Variants in GRIP1 observed in about 807,000 individuals in gnomAD.
GRIP1 encodes glutamate receptor-interacting protein 1.
GRIP1 carries 45 observed loss-of-function variants against 129.9 expected under a neutral mutation model. That is an observed-to-expected ratio of 0.35 (90% confidence interval 0.27 to 0.44). GRIP1 has a LOEUF of 0.44. GRIP1 is among the 20% of genes least tolerant of loss of function. The pLI, the probability that GRIP1 is intolerant of heterozygous loss-of-function variation, is 1.00. For missense variants in GRIP1, 1,196 were observed against 1,396.8 expected (o/e 0.86, Z 2.29); for synonymous variants, 530 against 520.8 (o/e 1.02, Z -0.24).
At position 66,415,597 on chromosome 12, in the gene GRIP1, T is replaced by C. The variant is rs146066259; in HGVS notation, c.1838+5123A>G. Reference sequence around the variant, plus strand: ...ATATACCCAAAGGAATGTAAATTATTCTATTATAAAGATATATGCACGCTT... The same window carrying C: ...ATATACCCAAAGGAATGTAAATTATCCTATTATAAAGATATATGCACGCTT... On this transcript the variant is annotated intron_variant, in intron 15 of 24. Coordinates refer to ENST00000359742, the MANE Select transcript of GRIP1 (RefSeq NM_001366722.1). Among the ~76,000 whole-genome samples, 1,084 of 152,246 alleles carry C rather than the reference T, an allele frequency of 7.1e-3. 13 individuals are homozygous for C. Among genetic ancestry groups the C allele is most frequent in the African/African-American group, 0.024 (1,005 of 41,558 alleles).
upstream of GRIP1, among the ~76,000 whole-genome samples, chr12:66,680,116 A>G (rs918631720): frequency 1.3e-5 from 2 of 152,186 alleles, no homozygotes; most frequent in Non-Finnish European, 2.9e-5. Context: ...AAAAAAATCA[A>G]TTAGTCAAAA....
intron 1 of GRIP1, among the ~76,000 whole-genome samples, chr12:66,844,642 G>C (rs760971450): frequency 3.3e-5 from 5 of 152,184 alleles, no homozygotes; most frequent in African/African-American, 4.8e-5. Context: ...GTCTTAAAGA[G>C]ATATTTGTTC....
chr12:66,353,304 G>A lies in GRIP1; in HGVS notation c.3159+113C>T, dbSNP rs932743323. On this transcript the variant is annotated intron_variant, in intron 24 of 24. Transcript: ENST00000359742. ...CTTCTACTGATTCCATAATCTTGAT[G>A]ACAAAGGCTGAAAGGGAAAAGAGCA... is the stretch of plus-strand genomic sequence containing the variant. 5.1e-5 allele frequency: 41 copies of A among 807,180 alleles called. No homozygotes were observed. The Admixed American group carries it at 6.9e-4, about 14-fold the overall frequency. 50.0% of individuals were successfully genotyped at this position (807,180 alleles called of 1,614,324 possible). A position where few individuals can be genotyped will look rare whatever the true frequency, so the allele number is the denominator to read the frequency against.
At chr12:66,898,551 C>T (rs1410107958) in intron 1 of GRIP1, among the ~76,000 whole-genome samples, 1 of 152,134 alleles carries the variant, frequency 6.6e-6, no homozygotes, top group Non-Finnish European at 1.5e-5. Flanking sequence ...TTTCCAAGCT[C>T]TGGATGCTGC....
intron 1 of GRIP1, among the ~76,000 whole-genome samples, chr12:67,036,779 G>A (rs1303370258): frequency 6.6e-6 from 1 of 151,822 alleles, no homozygotes; most frequent in African/African-American, 2.4e-5. Context: ...TGGCTTCTAC[G>A]ACTCCTTCTA....
chr12:66,759,054 C>T (rs2037389444), intron 1 of GRIP1, among the ~76,000 whole-genome samples: 2 of 152,212 alleles, frequency 1.3e-5, no homozygotes, highest in African/African-American at 4.8e-5. Flanking sequence ...ATGGGTGCTC[C>T]CACCCCAGAT....
At chr12:66,429,330 C>T (rs1475744709) in intron 14 of GRIP1, among the ~76,000 whole-genome samples, 4 of 152,058 alleles carry the variant, frequency 2.6e-5, no homozygotes, top group Non-Finnish European at 5.9e-5. Flanking sequence ...TAACAGTATC[C>T]GTGTGTGTCT....
At chr12:66,965,320 T>C (rs1281424488) in intron 1 of GRIP1, among the ~76,000 whole-genome samples, 1 of 152,176 alleles carries the variant, frequency 6.6e-6, no homozygotes, top group African/African-American at 2.4e-5. Flanking sequence ...TTAAGCTCTC[T>C]GATTACTCTC....
chr12:66,812,915 T>C (rs1208371017), intron 1 of GRIP1, among the ~76,000 whole-genome samples: 2 of 152,102 alleles, frequency 1.3e-5, no homozygotes, highest in Admixed American at 1.3e-4. Flanking sequence ...ATCTGATTCA[T>C]TTATTCGACA....
chr12:66,539,545 C>CTTTTTTTTTTTT lies in GRIP1; in HGVS notation c.273-334_273-323dup, dbSNP rs35373698. ...CACCATAAAACAAAATCAAGAGAAG[C>CTTTTTTTTTTTT]TTTTTTTTTTTTTTTTTTTTTTTTC... On this transcript the variant is annotated intron_variant, in intron 3 of 24. Coordinates refer to ENST00000359742, the MANE Select transcript of GRIP1 (RefSeq NM_001366722.1). Among the ~76,000 whole-genome samples the CTTTTTTTTTTTT allele has an allele frequency of 1.3e-3, 79 of 59,300 alleles. 1 individual carries two copies. Among genetic ancestry groups the CTTTTTTTTTTTT allele is most frequent in the Non-Finnish European group, 1.9e-3 (62 of 33,404 alleles). The allele number at this position is 59,300 out of a possible 152,430, so 38.9% of individuals were successfully genotyped here.
chr12:66,526,426 G>C (rs949066990), intron 5 of GRIP1, among the ~76,000 whole-genome samples: 1 of 152,092 alleles, frequency 6.6e-6, no homozygotes, highest in Non-Finnish European at 1.5e-5. Flanking sequence ...CAAGAAATGG[G>C]GAAAGGATTC....
chr12:66,862,156 A>G (rs2040123468), intron 1 of GRIP1, among the ~76,000 whole-genome samples: 1 of 152,118 alleles, frequency 6.6e-6, no homozygotes. Flanking sequence ...TTTTCTATGG[A>G]GGATCACAAA....
At chr12:66,577,868 G>A (rs144714625) in intron 2 of GRIP1, among the ~76,000 whole-genome samples, 4 of 152,200 alleles carry the variant, frequency 2.6e-5, no homozygotes, top group East Asian at 3.9e-4. Context: ...GTGAGAGGAT[G>A]ACTTGAGCCC....
intron 1 of GRIP1, among the ~76,000 whole-genome samples, chr12:66,628,139 T>TATGAAGAATA (rs2030309667): frequency 6.6e-6 from 1 of 152,174 alleles, no homozygotes; most frequent in Non-Finnish European, 1.5e-5. Flanking sequence ...CTGCCCATCC[T>TATGAAGAATA]TCACTATTCT....
intron 1 of GRIP1, among the ~76,000 whole-genome samples, chr12:66,874,241 G>A (rs2040344318): frequency 1.3e-5 from 2 of 151,984 alleles, no homozygotes; most frequent in Non-Finnish European, 2.9e-5. Context: ...TTCAGGCCAG[G>A]GCTTTGGACT....
In GRIP1 at chr12:66,995,006, T is replaced by C. The variant is rs191724535; in HGVS notation, c.58+74044A>G. ...ACATAAGGATAGATATGTAGATTAATGGAGTAGAATTATGAGTCCAGAAAT... is the reference window on the plus strand; with the variant it reads ...ACATAAGGATAGATATGTAGATTAACGGAGTAGAATTATGAGTCCAGAAAT... On this transcript the variant is annotated intron_variant, in intron 1 of 1. Coordinates refer to the GRIP1 transcript ENST00000643019. 6.4e-4 allele frequency among the ~76,000 whole-genome samples: 97 copies of C among 152,166 alleles called. 1 individual carries two copies. The highest frequency in any genetic ancestry group is 1.1e-3 in the Non-Finnish European group (78 of 67,944).
chr12:66,831,676 A>G lies in GRIP1; in HGVS notation c.59-234749T>C, dbSNP rs551351871. Reference sequence around the variant, plus strand: ...TGGAAAATGGAAATGGTAGAATCATATATCACTGAGATGTATAGTATGCTC... The same window carrying G: ...TGGAAAATGGAAATGGTAGAATCATGTATCACTGAGATGTATAGTATGCTC... On this transcript the variant is annotated intron_variant, in intron 1 of 1. Coordinates refer to the GRIP1 transcript ENST00000643019. Among the ~76,000 whole-genome samples, 4 of 152,360 alleles carry G rather than the reference A, an allele frequency of 2.6e-5. No individual in the cohort carries two copies. The South Asian group carries it at 8.3e-4, about 32-fold the overall frequency.
intron 1 of GRIP1, among the ~76,000 whole-genome samples, chr12:66,730,212 T>C (rs565579499): frequency 4.6e-5 from 7 of 152,332 alleles, no homozygotes; most frequent in Non-Finnish European, 7.3e-5. Flanking sequence ...CTAATGGTTT[T>C]TATTTTACCG....
intron 1 of GRIP1, among the ~76,000 whole-genome samples, chr12:66,602,704 C>T (rs2064329098): frequency 6.6e-6 from 1 of 151,822 alleles, no homozygotes; most frequent in East Asian, 1.9e-4. Context: ...GATGACTTCC[C>T]CCTTCTACCT....
Sources: allele counts gnomAD v4.1 joint callset (sites outside exome capture counted in the v4.1 genomes callset), GRCh38; gene constraint gnomAD v4.1.1; transcripts MANE v1.5; gene names NCBI Gene and HGNC (gene_info 2026-07-23, HGNC 2026-07-21).